The following CPT1B variants were observed in gnomAD, a reference collection of about 807,000 sequenced individuals.
CPT1B encodes carnitine O-palmitoyltransferase 1, muscle isoform.
A neutral mutation model predicts 92.7 loss-of-function variants in CPT1B; 57 were observed. The ratio of observed to expected loss-of-function variants is 0.62; its 90% CI spans 0.50 to 0.77. The LOEUF is 0.77. CPT1B is among the 30% of genes least tolerant of loss of function. The pLI is 0.00. For synonymous variants in CPT1B, 398 were observed against 383.5 expected (o/e 1.04, Z -0.44); for missense variants, 983 against 1,017.4 (o/e 0.97, Z 0.46).
At chr22:50,577,671 C>G in intron 2 of CPT1B, 104 bp downstream of exon 2, 7 of 1,511,214 alleles carry the variant, frequency 4.6e-6, no homozygotes, top group Non-Finnish European at 6.3e-6. Context: ...CAACCTGTAC[C>G]GGGCAGAAGT....
intron 7 of CPT1B, among the ~76,000 whole-genome samples, chr22:50,575,650 A>C (rs1189643269): frequency 6.6e-6 from 1 of 152,196 alleles, no homozygotes; most frequent in Non-Finnish European, 1.5e-5. Context: ...CTGCAGAGGG[A>C]CACAAAGCAA....
At position 50,573,982 on chromosome 22, in the gene CPT1B, GATA is replaced by G; in HGVS notation, c.971-270_971-268del. On this transcript the variant is annotated intron_variant, in intron 9 of 19. Transcript: ENST00000312108. The surrounding 1 kb of genome is among the most constrained non-coding windows in gnomAD (Gnocchi z 5.0). ...TAGAGGGTTGTGCAAACCGCCTAAG[GATA>G]CAGTGTCAGAAGCAGGGAAGGCTGC... The G allele has an allele frequency of 1.4e-6, 1 of 702,148 alleles. No individual in the cohort carries two copies. Among genetic ancestry groups the G allele is most frequent in the East Asian group, 2.8e-5 (1 of 35,882 alleles). The allele number at this position is 702,148 out of a possible 1,614,324, so 43.5% of individuals were successfully genotyped here.
At chr22:50,574,756 C>A in intron 7 of CPT1B, 156 bp from the exon 8 acceptor site, 1 of 627,664 alleles carries the variant, frequency 1.6e-6, no homozygotes, top group East Asian at 2.7e-5. Context: ...TCCAGAAATG[C>A]ACAACTGATC....
In CPT1B at chr22:50,569,706, A is replaced by G. The variant is rs12157548; in HGVS notation, c.2143-38T>C. Reference sequence around the variant, plus strand: ...AGAAGGGTGAAGAAGGCATAAATCAAACCTTGAAGATCTGAAAGCCAAGCT... The same window carrying G: ...AGAAGGGTGAAGAAGGCATAAATCAGACCTTGAAGATCTGAAAGCCAAGCT... On this transcript the variant is annotated intron_variant, in intron 17 of 19. Transcript: ENST00000312108. 2,393 of 1,520,400 alleles carry G rather than the reference A, an allele frequency of 1.6e-3. 26 individuals carry two copies. In the African/African-American group the frequency reaches 0.029, roughly 18 times the overall value. 94.2% of individuals were successfully genotyped at this position (1,520,400 alleles called of 1,614,324 possible). A position where few individuals can be genotyped will look rare whatever the true frequency, so the allele number is the denominator to read the frequency against.
At position 50,569,386 on chromosome 22, in the gene CPT1B, G is replaced by A; in HGVS notation, c.2271C>T (p.Ala757=). The A allele has an allele frequency of 1.2e-6, 2 of 1,614,166 alleles. No homozygotes were observed. The highest frequency in any genetic ancestry group is 2.2e-5 in the South Asian group (2 of 91,088). ...AQRFGNHIRK[A]LLDIADLFQV... is the part of the protein sequence containing the mutation. ...GGAAAAGATCAGCAATGTCCAGCAG[G>A]GCTTTGCGGATGTGGTTTCCAAAGC... is the stretch of plus-strand genomic sequence containing the variant. Residue 757 remains alanine, a synonymous_variant, in exon 19 of 20, where the codon GCC becomes GCT. Transcript: ENST00000312108.
In CPT1B at chr22:50,574,527, T is replaced by A; in HGVS notation, c.851A>T (p.Tyr284Phe). The A allele has an allele frequency of 6.2e-7, 1 of 1,614,174 alleles. No individual in the cohort carries two copies. Among genetic ancestry groups the A allele is most frequent in the Non-Finnish European group, 8.5e-7 (1 of 1,180,030 alleles). The change falls in exon 8 of 20, where the codon TAT (tyrosine) becomes TTT (phenylalanine). Residue 284 changes from tyrosine (Y) to phenylalanine (F), a missense_variant. By Grantham distance (22) the Tyr-to-Phe change is conservative. Coordinates refer to ENST00000312108, the MANE Select transcript of CPT1B (RefSeq NM_152246.3). The part of the protein sequence containing the change: ...LGNIIHAMIM[Y>F]RRKLDREEIK... ...TTCTTCACGGTCCAGTTTACGGCGA[T>A]ACATGATCATGGCGTGGATGATGTT... is the stretch of plus-strand genomic sequence containing the variant.
Position 50,577,472 on chromosome 22 carries a change from A to G in CPT1B, c.142-9T>C. The G allele has an allele frequency of 6.2e-7, 1 of 1,613,318 alleles. No homozygotes were observed. The highest frequency in any genetic ancestry group is 8.5e-7 in the Non-Finnish European group (1 of 1,179,870). ...CCCCTGAGGATGCCATTCTGTGGGC[A>G]GAAACAGGCGCCCTTATGGAGCCGG... is the stretch of plus-strand genomic sequence containing the variant. On this transcript the variant is annotated splice_polypyrimidine_tract_variant and intron_variant, in intron 2 of 19. Coordinates refer to ENST00000312108, the MANE Select transcript of CPT1B (RefSeq NM_152246.3).
chr22:50,576,101 C>G lies in CPT1B; in HGVS notation c.711G>C (p.Trp237Cys). The G allele has an allele frequency of 6.2e-7, 1 of 1,614,172 alleles. No homozygotes were observed. Among genetic ancestry groups the G allele is most frequent in the Non-Finnish European group, 8.5e-7 (1 of 1,180,032 alleles). The change falls in exon 7 of 20, where the codon TGG becomes TGC. Residue 237 changes from tryptophan to cysteine, a missense_variant. Physicochemically the swap from Trp to Cys is radical, Grantham distance 215 (BLOSUM62 -2). Coordinates refer to ENST00000312108, the MANE Select transcript of CPT1B (RefSeq NM_152246.3). ...CTCGAAGGTAGATGTACTCTTCCCA[C>G]CAGTCACTCACCTGTGGGGAGGTGG... ...SWWASNYVSD[W>C]WEEYIYLRGR...
chr22:50,570,276 C>A lies in CPT1B; in HGVS notation c.2142+17G>T. 8 of 1,535,842 alleles carry A rather than the reference C, an allele frequency of 5.2e-6. No individual in the cohort carries two copies. Among genetic ancestry groups the A allele is most frequent in the East Asian group, 2.3e-5 (1 of 43,960 alleles). ...GGGCCCTGGTGCTGCCCACCCACCC[C>A]CTTCAGGAGCACTCACAGGGCCAAA... On this transcript the variant is annotated intron_variant, in intron 17 of 19. Transcript: ENST00000312108.
Position 50,572,117 on chromosome 22 carries a change from G to A in CPT1B, c.1464C>T (p.Val488=). 6.2e-7 allele frequency: 1 copy of A among 1,614,086 alleles called. No homozygotes were observed. Among genetic ancestry groups the A allele is most frequent in the Non-Finnish European group, 8.5e-7 (1 of 1,179,976 alleles). The change falls in exon 13 of 20, where the codon GTC becomes GTT. Residue 488 remains valine (V), a synonymous_variant. Coordinates refer to ENST00000312108, the MANE Select transcript of CPT1B (RefSeq NM_152246.3). ...APIIGHLWEF[V]LGTDSFHLGY... is the part of the protein sequence containing the mutation. ...CCAGGTGGAAGCTGTCTGTGCCCAG[G>A]ACAAACTGCAGGGAGAGGATGAGAC...
chr22:50,569,444 T>G, intron 18 of CPT1B, 23 bp from the exon 19 acceptor site: 3 of 1,613,688 alleles, frequency 1.9e-6, no homozygotes, highest in Non-Finnish European at 2.5e-6. Flanking sequence ...AGAGTTCAGA[T>G]GCACCTTCAG....
At chr22:50,574,116 G>T (rs1278228968) in intron 9 of CPT1B, among the ~76,000 whole-genome samples, 1 of 152,214 alleles carries the variant, frequency 6.6e-6, no homozygotes, top group Admixed American at 6.5e-5. Context: ...CCTTCACCAT[G>T]CGCAGTGAGC....
chr22:50,576,563 C>T lies in CPT1B; in HGVS notation c.534G>A (p.Val178=), dbSNP rs747315829. Residue 178 remains valine, a synonymous_variant, in exon 5 of 20, where the codon GTG becomes GTA. Transcript: ENST00000312108. ...SFQTSLPKLP[V]PRVSATIQRY... ...GCTGAATTGTGGCTGACACCCTGGG[C>T]ACAGGAAGCTTGGGCAGAGATGTCT... 5.6e-6 allele frequency: 9 copies of T among 1,606,444 alleles called. No homozygotes were observed. The Admixed American group carries it at 1.4e-4, about 24-fold the overall frequency.
chr22:50,569,661 T>C lies in CPT1B; in HGVS notation c.2150A>G (p.Asp717Gly), dbSNP rs1192003487. ...CATGTAGGAAACTCCATAGCCATCATCTGCTACCTGAGGGCAACAAGAAGG... is the reference window on the plus strand; with the variant it reads ...CATGTAGGAAACTCCATAGCCATCACCTGCTACCTGAGGGCAACAAGAAGG... Reference protein sequence around the residue: ...GAGGGFGPVADDGYGVSYMIA... With the variant: ...GAGGGFGPVAGDGYGVSYMIA... Residue 717 changes from aspartate (D) to glycine (G), a missense_variant, in exon 18 of 20, where the codon GAT becomes GGT. Transcript: ENST00000312108. 7 of 1,613,666 alleles carry C rather than the reference T, an allele frequency of 4.3e-6. No homozygotes were observed. The highest frequency in any genetic ancestry group is 5.9e-6 in the Non-Finnish European group (7 of 1,179,780).
rs535198476 is a variant in CPT1B at position 50,577,008 on chromosome 22, G to A, written c.308C>T (p.Thr103Ile). 2.8e-5 allele frequency: 45 copies of A among 1,614,052 alleles called. No homozygotes were observed. In the South Asian group the frequency reaches 4.7e-4, roughly 17 times the overall value. ...QGCGPYQTPQ[T>I]RALLSMAIFS... ...GATGGCCATGCTGAGAAGTGCCCGG[G>A]TCTGCGGGGTCTGGTAGGGGCCACA... The change falls in exon 4 of 20, where the codon ACC becomes ATC. Residue 103 changes from threonine to isoleucine, a missense_variant. Transcript: ENST00000312108.
intron 19 of CPT1B, 118 bp downstream of exon 19, chr22:50,569,218 G>A (rs538662424): frequency 3.2e-6 from 3 of 939,662 alleles, no homozygotes; most frequent in African/African-American, 3.3e-5. Flanking sequence ...AGGACCTGCT[G>A]CCGGAGCTGT....
chr22:50,570,377 G>A lies in CPT1B; in HGVS notation c.2058C>T (p.Thr686=). 6.2e-7 allele frequency: 1 copy of A among 1,606,820 alleles called. No individual in the cohort carries two copies. Among genetic ancestry groups the A allele is most frequent in the Admixed American group, 1.7e-5 (1 of 59,462 alleles). The change falls in exon 17 of 20, where the codon ACC becomes ACT. Residue 686 remains threonine (T), a synonymous_variant. Coordinates refer to ENST00000312108, the MANE Select transcript of CPT1B (RefSeq NM_152246.3). The part of the protein sequence containing the change: ...EVLSEPWRLS[T]SQIPQSQIRM... ...GGATCTGGGATTGGGGGATCTGGCT[G>A]GTGGAGAGACGCCAGGGTTCCGAGA...
chr22:50,572,162 C>T lies in CPT1B; in HGVS notation c.1459-40G>A, dbSNP rs776588009. 3 of 1,609,988 alleles carry T rather than the reference C, an allele frequency of 1.9e-6. No individual in the cohort carries two copies. The East Asian group carries it at 6.7e-5, about 36-fold the overall frequency. ...TGAGACTGAGAGGCTGGCCTCATCC[C>T]CTACAGCCTGCCCTGCAGGTTCCCT... On this transcript the variant is annotated intron_variant, in intron 12 of 19. Coordinates refer to ENST00000312108, the MANE Select transcript of CPT1B (RefSeq NM_152246.3).
Position 50,577,051 on chromosome 22 carries a change from A to G in CPT1B, c.282-17T>C, listed in dbSNP as rs2070475734. ...GGGCCACACCTATTGGAGAGGGGCA[A>G]GGGCTGCAGGGGGTCCTCTTGAGGC... On this transcript the variant is annotated splice_polypyrimidine_tract_variant and intron_variant, in intron 3 of 19. Coordinates refer to ENST00000312108, the MANE Select transcript of CPT1B (RefSeq NM_152246.3). 3 of 1,612,222 alleles carry G rather than the reference A, an allele frequency of 1.9e-6. No individual in the cohort carries two copies. The highest frequency in any genetic ancestry group is 2.5e-6 in the Non-Finnish European group (3 of 1,178,916).
Sources: allele counts gnomAD v4.1 joint callset (sites outside exome capture counted in the v4.1 genomes callset), GRCh38; gene constraint gnomAD v4.1.1; non-coding constraint Gnocchi (gnomAD v3.1); transcripts MANE v1.5; gene names NCBI Gene and HGNC (gene_info 2026-07-23, HGNC 2026-07-21).